The following C10orf90 variants were observed in gnomAD, a reference collection of about 807,000 sequenced individuals.
C10orf90 encodes chromosome 10 open reading frame 90.
A neutral mutation model predicts 62.5 loss-of-function variants in C10orf90; 56 were observed. The ratio of observed to expected loss-of-function variants is 0.90; its 90% confidence interval spans 0.72 to 1.12. The LOEUF (loss-of-function observed/expected upper bound fraction) is 1.12, where lower values mean the gene tolerates loss of function less well. Ranked by LOEUF, C10orf90 falls within the 50% of genes most tolerant of loss-of-function variation. The pLI, the probability that C10orf90 is intolerant of heterozygous loss-of-function variation, is 0.00. For missense variants in C10orf90, 970 were observed against 880.4 expected (o/e 1.10, Z -1.29); for synonymous variants, 386 against 340.4 (o/e 1.13, Z -1.47).
At chr10:126,538,325 T>A (rs149158310) in intron 2 of C10orf90, among the ~76,000 whole-genome samples, 1 of 152,118 alleles carries the variant, frequency 6.6e-6, no homozygotes, top group African/African-American at 2.4e-5. Flanking sequence ...CAATTCAAGA[T>A]GAGATTTGGG....
At chr10:126,581,797 C>CAGACATGTGACTCAGA (rs1190843994) in intron 2 of C10orf90, among the ~76,000 whole-genome samples, 2 of 152,222 alleles carry the variant, frequency 1.3e-5, no homozygotes, top group African/African-American at 4.8e-5. Context: ...GCAGACTTTG[C>CAGACATGTGACTCAGA]TGCCACAATG....
chr10:126,545,695 A>C (rs1203154679), intron 2 of C10orf90, among the ~76,000 whole-genome samples: 1 of 152,116 alleles, frequency 6.6e-6, no homozygotes, highest in African/African-American at 2.4e-5. Flanking sequence ...CACTTTTCTG[A>C]GCATATAACT....
chr10:126,443,891 T>C (rs981478288), intron 7 of C10orf90, among the ~76,000 whole-genome samples: 3 of 152,064 alleles, frequency 2.0e-5, no homozygotes, highest in African/African-American at 7.2e-5. Context: ...ATAAATATAA[T>C]ACACCACCTA....
At chr10:126,642,307 CA>C (rs1295236616) in intron 2 of C10orf90, among the ~76,000 whole-genome samples, 1 of 152,086 alleles carries the variant, frequency 6.6e-6, no homozygotes, top group Non-Finnish European at 1.5e-5. Flanking sequence ...CCAAGGTGGG[CA>C]GATCACGAGG....
intron 4 of C10orf90, among the ~76,000 whole-genome samples, chr10:126,484,078 C>T (rs560504520): frequency 6.6e-6 from 1 of 152,256 alleles, no homozygotes; most frequent in South Asian, 2.1e-4. Context: ...TTTCTCTCTC[C>T]TGTCTGTGTG....
chr10:126,508,190 A>AGAGAGAGAGT lies in C10orf90; in HGVS notation c.406-3106_406-3105insACTCTCTCTC, dbSNP rs1427624756. Among the ~76,000 whole-genome samples the AGAGAGAGAGT allele has an allele frequency of 4.5e-3, 667 of 149,676 alleles. 5 individuals are homozygous for AGAGAGAGAGT. Among genetic ancestry groups the AGAGAGAGAGT allele is most frequent in the African/African-American group, 0.015 (606 of 40,658 alleles). The stretch of plus-strand genomic sequence containing the variant: ...GAGAGAGAGAGAGAGAGAGAGAGAG[A>AGAGAGAGAGT]GTGTGTGTGTGTGTGTTGGTGGGGA... On this transcript the variant is annotated intron_variant, in intron 3 of 9. Coordinates refer to ENST00000488181, the MANE Select transcript of C10orf90 (RefSeq NM_001350921.2).
intron 7 of C10orf90, among the ~76,000 whole-genome samples, chr10:126,442,631 GTGTA>G (rs1858449554): frequency 1.1e-5 from 1 of 91,868 alleles, no homozygotes; most frequent in African/African-American, 4.7e-5. Context: ...TATTGTGTGT[GTGTA>G]TATATATATA....
chr10:126,456,575 G>A lies in C10orf90; in HGVS notation c.2188+2465C>T, dbSNP rs771526346. Among the ~76,000 whole-genome samples, 27 of 152,188 alleles carry A rather than the reference G, an allele frequency of 1.8e-4. No individual in the cohort carries two copies. Among genetic ancestry groups the A allele is most frequent in the Middle Eastern group, 6.8e-3 (2 of 294 alleles). The stretch of plus-strand genomic sequence containing the variant: ...ATGATATAATGAGTGTAATGATGTC[G>A]CCCCAACAAAAAGATATGTTTAAGT... On this transcript the variant is annotated intron_variant, in intron 7 of 9. Coordinates refer to ENST00000488181, the MANE Select transcript of C10orf90 (RefSeq NM_001350921.2). The surrounding 1 kb of genome is among the most constrained non-coding windows in gnomAD (Gnocchi z 4.9).
At chr10:126,429,124 T>A (rs1360916246) in intron 8 of C10orf90, among the ~76,000 whole-genome samples, 1 of 152,182 alleles carries the variant, frequency 6.6e-6, no homozygotes, top group African/African-American at 2.4e-5. Context: ...TTGCATGAAC[T>A]TGGCCAATGC....
intron 4 of C10orf90, among the ~76,000 whole-genome samples, chr10:126,498,183 G>A (rs1862175253): frequency 6.6e-6 from 1 of 152,196 alleles, no homozygotes. Flanking sequence ...GGTAGAGGCG[G>A]CTCCAGAAAA....
At chr10:126,557,864 T>C (rs1228095097) in intron 2 of C10orf90, among the ~76,000 whole-genome samples, 1 of 151,678 alleles carries the variant, frequency 6.6e-6, no homozygotes, top group Non-Finnish European at 1.5e-5. Flanking sequence ...TCGAGATGAG[T>C]TGGGCAAGGG....
Position 126,561,279 on chromosome 10 carries a change from A to G in C10orf90, c.314-47340T>C, listed in dbSNP as rs529564938. On this transcript the variant is annotated intron_variant, in intron 2 of 9. Transcript: ENST00000488181. The stretch of plus-strand genomic sequence containing the variant: ...AGTGTGGGCCCTCAACCTCTAATTA[A>G]TCTTAATAGCACTGCTGACTGCTTC... Among the ~76,000 whole-genome samples the G allele has an allele frequency of 5.3e-5, 8 of 152,296 alleles. No homozygotes were observed. The South Asian group carries it at 1.7e-3, about 32-fold the overall frequency.
rs908049345 is a variant in C10orf90 at position 126,521,605 on chromosome 10, C to T, written c.314-7666G>A. The T allele has an allele frequency of 1.3e-5, 7 of 538,536 alleles. 1 individual carries two copies. The Middle Eastern group carries it at 1.6e-3, about 126-fold the overall frequency. The allele number at this position is 538,536 out of a possible 1,614,324, so 33.4% of individuals were successfully genotyped here. On this transcript the variant is annotated intron_variant, in intron 2 of 9. Coordinates refer to ENST00000488181, the MANE Select transcript of C10orf90 (RefSeq NM_001350921.2). ...GTCTCTTTGATGTTTACATTTGAGG[C>T]TTCTTTGATGAGTAAAACAAGTTTG... is the stretch of plus-strand genomic sequence containing the variant.
intron 4 of C10orf90, among the ~76,000 whole-genome samples, chr10:126,483,239 C>T (rs1452230004): frequency 6.6e-6 from 1 of 152,230 alleles, no homozygotes; most frequent in Admixed American, 6.5e-5. Context: ...CGCAGGTGAG[C>T]CTAAGTGAAA....
At chr10:126,668,885 G>A (rs576422654) in intron 1 of C10orf90, among the ~76,000 whole-genome samples, 2 of 152,284 alleles carry the variant, frequency 1.3e-5, no homozygotes, top group East Asian at 3.9e-4. Context: ...CTAAAAAGGT[G>A]TACTTTTTTC....
chr10:126,500,087 G>A (rs189490786), intron 4 of C10orf90, among the ~76,000 whole-genome samples: 52 of 152,282 alleles, frequency 3.4e-4, no homozygotes, highest in African/African-American at 1.1e-3. Context: ...CATTTTAATC[G>A]CATAAAATGA....
At chr10:126,657,173 C>T (rs1846411720) in intron 1 of C10orf90, among the ~76,000 whole-genome samples, 12 of 152,110 alleles carry the variant, frequency 7.9e-5, no homozygotes, top group Admixed American at 6.5e-4. Context: ...ATATAAACTA[C>T]ATAAAATTCA....
chr10:126,547,414 CAAAAAAA>C (rs55740296), intron 2 of C10orf90, among the ~76,000 whole-genome samples: 4 of 125,206 alleles, frequency 3.2e-5, no homozygotes, highest in Non-Finnish European at 5.0e-5. Flanking sequence ...GCAAGACTGT[CAAAAAAA>C]AAAAAAATAA....
chr10:126,607,623 T>C (rs1371859280), intron 2 of C10orf90, among the ~76,000 whole-genome samples: 3 of 152,218 alleles, frequency 2.0e-5, no homozygotes, highest in Non-Finnish European at 4.4e-5. Context: ...TCAGTGGTAA[T>C]ATCAATGAAT....
Sources: gnomAD v4.1 joint callset for allele counts (sites outside exome capture counted in the v4.1 genomes callset) on GRCh38, gnomAD v4.1.1 for gene constraint, Gnocchi (gnomAD v3.1) non-coding constraint, MANE v1.5 for transcripts, NCBI Gene and HGNC (gene_info 2026-07-23, HGNC 2026-07-21) for gene names.